Variants in RBM10 observed in about 807,000 individuals in gnomAD.
RBM10 encodes RNA binding motif protein 10.
RBM10 carries 1 observed loss-of-function variant against 84.9 expected under a neutral mutation model. The ratio of observed to expected loss-of-function variants is 0.01; its 90% CI spans 0.00 to 0.06. The LOEUF (loss-of-function observed/expected upper bound fraction) is 0.06, where lower values mean the gene tolerates loss of function less well. Ranked by LOEUF, RBM10 falls within the 10% of genes least tolerant of loss-of-function variation. The pLI is 1.00. For missense variants in RBM10, 438 were observed against 839.0 expected, an observed-to-expected ratio of 0.52 and a Z score of 5.90; for synonymous variants, 326 against 344.5, an observed-to-expected ratio of 0.95 and a Z score of 0.60.
chrX:47,173,331 G>T lies in RBM10; in HGVS notation c.502+134G>T. 1.7e-6 allele frequency: 2 copies of T among 1,153,362 alleles called. 1 individual carries two copies. The highest frequency in any genetic ancestry group is 3.8e-5 in the South Asian group (2 of 52,286). ...GCTGGGAATGGGCAGCGTGGGGGGT[G>T]CCCTCTCTTCTCTCCCACTCCCCAC... is the stretch of plus-strand genomic sequence containing the variant. On this transcript the variant is annotated intron_variant, in intron 5 of 23. Coordinates refer to ENST00000377604, the MANE Select transcript of RBM10 (RefSeq NM_005676.5).
At position 47,169,384 on chromosome X, in the gene RBM10, C is replaced by T. The variant is rs2147128335; in HGVS notation, c.87C>T (p.Asn29=). 1 of 1,211,898 alleles carries T rather than the reference C, an allele frequency of 8.3e-7. No homozygotes were observed. The highest frequency in any genetic ancestry group is 1.1e-6 in the Non-Finnish European group (1 of 895,415). ...TDRSQDDGGE[N]RSRDHDYRDM... is the part of the protein sequence containing the mutation. ...GCTCGCAGGATGATGGTGGGGAGAA[C>T]CGCAGCCGAGACCACGACTACCGGG... is the stretch of plus-strand genomic sequence containing the variant. The change falls in exon 3 of 24, where the codon AAC becomes AAT. Residue 29 remains asparagine (N), a synonymous_variant. Transcript: ENST00000377604.
At position 47,185,761 on chromosome X, in the gene RBM10, C is replaced by A; in HGVS notation, c.2401C>A (p.Leu801Ile). 1 of 1,211,410 alleles carries A rather than the reference C, an allele frequency of 8.3e-7. No homozygotes were observed. The highest frequency in any genetic ancestry group is 1.1e-6 in the Non-Finnish European group (1 of 895,288). Residue 801 changes from leucine (L) to isoleucine (I), a missense_variant, in exon 21 of 24, where the codon CTA becomes ATA. Transcript: ENST00000377604. ...HRRAHLSENE[L>I]EALEKNDMEQ... Reference sequence around the variant, plus strand: ...GCGAGCCCACTTGTCAGAAAACGAGCTAGAAGCACTAGAGAAGAATGACAT... The same window carrying A: ...GCGAGCCCACTTGTCAGAAAACGAGATAGAAGCACTAGAGAAGAATGACAT...
chrX:47,159,056 C>A (rs192180265), intron 2 of RBM10, among the ~76,000 whole-genome samples: 69 of 111,822 alleles, frequency 6.2e-4, no homozygotes, highest in Non-Finnish European at 1.1e-3. Flanking sequence ...CCACATTTTT[C>A]TTTATCCTGT....
intron 3 of RBM10, 27 bp downstream of exon 3, chrX:47,169,525 C>G (rs1934481733): frequency 1.7e-6 from 2 of 1,188,097 alleles, no homozygotes. Context: ...CTGCGCCAGG[C>G]CTGGCTGGGA....
In RBM10 at chrX:47,182,009, C is replaced by T. The variant is rs782563509; in HGVS notation, c.1752C>T (p.Pro584=). Residue 584 remains proline, a synonymous_variant, in exon 16 of 24, where the codon CCC becomes CCT. Coordinates refer to ENST00000377604, the MANE Select transcript of RBM10 (RefSeq NM_005676.5). The part of the protein sequence containing the change: ...YDETSGYYYD[P]QTGLYYDPNS... ...AGACCTCCGGCTACTACTATGACCC[C>T]CAGACCGGCCTCTACTATGACCCCA... The T allele has an allele frequency of 7.4e-6, 9 of 1,209,410 alleles. No homozygotes were observed. Among genetic ancestry groups the T allele is most frequent in the Non-Finnish European group, 8.9e-6 (8 of 895,092 alleles).
Position 47,179,384 on chromosome X carries a change from G to A in RBM10, c.790G>A (p.Glu264Lys), listed in dbSNP as rs1556777824. 8.3e-7 allele frequency: 1 copy of A among 1,201,501 alleles called. No individual in the cohort carries two copies. Among genetic ancestry groups the A allele is most frequent in the Non-Finnish European group, 1.1e-6 (1 of 892,134 alleles). Residue 264 changes from glutamate (E) to lysine (K), a missense_variant, in exon 9 of 24, where the codon GAG becomes AAG. Glu to Lys is a moderately conservative substitution (Grantham distance 56). This residue lies in a region of RBM10 where 36 missense variants were observed against 45.3 expected (regional missense o/e 0.79). Coordinates refer to ENST00000377604, the MANE Select transcript of RBM10 (RefSeq NM_005676.5). ...DQQTLPLGGR[E>K]LSQGLLPLPQ... Reference sequence around the variant, plus strand: ...GCAGACACTGCCACTGGGTGGCCGGGAGCTGAGCCAGGGCCTGCTTCCCCT... The same window carrying A: ...GCAGACACTGCCACTGGGTGGCCGGAAGCTGAGCCAGGGCCTGCTTCCCCT...
At chrX:47,163,637 G>A (rs1556767493) in intron 2 of RBM10, among the ~76,000 whole-genome samples, 1 of 107,848 alleles carries the variant, frequency 9.3e-6, no homozygotes, top group Non-Finnish European at 1.9e-5. Flanking sequence ...AGAAACTTTT[G>A]GAAGTCTCTC....
Position 47,186,384 on chromosome X carries a change from C to T in RBM10, c.2664C>T (p.Ile888=), listed in dbSNP as rs377461139. 4 of 1,194,640 alleles carry T rather than the reference C, an allele frequency of 3.3e-6. No homozygotes were observed. Among genetic ancestry groups the T allele is most frequent in the East Asian group, 3.1e-5 (1 of 32,689 alleles). The part of the protein sequence containing the change: ...GRKKQGIVTP[I]EAQTRVRGSG... ...AGAAGCAGGGCATTGTAACGCCTAT[C>T]GAGGTGAGTCTCAGGCAGTCCTGTC... Residue 888 remains isoleucine (I), a synonymous_variant, in exon 23 of 24, where the codon ATC becomes ATT. Coordinates refer to ENST00000377604, the MANE Select transcript of RBM10 (RefSeq NM_005676.5).
chrX:47,180,341 T>TGGCC, intron 11 of RBM10, 32 bp downstream of exon 11: 1 of 541,286 alleles, frequency 1.8e-6, no homozygotes, highest in Non-Finnish European at 2.7e-6. Flanking sequence ...CTTCCCACCC[T>TGGCC]TCCCCTCCCC....
chrX:47,160,699 T>A (rs1556766535), intron 2 of RBM10, among the ~76,000 whole-genome samples: 1 of 112,038 alleles, frequency 8.9e-6, no homozygotes, highest in African/African-American at 3.2e-5. Flanking sequence ...GATTTTTTTT[T>A]GGAGAGAGAG....
chrX:47,186,421 C>A (rs1556782701), intron 23 of RBM10, 34 bp downstream of exon 23: 1 of 1,197,636 alleles, frequency 8.3e-7, no homozygotes, highest in African/African-American at 1.7e-5. Flanking sequence ...CATCCCCCAG[C>A]ACCCCTCACA....
chrX:47,161,816 G>A (rs781941464), intron 2 of RBM10, among the ~76,000 whole-genome samples: 1 of 111,026 alleles, frequency 9.0e-6, no homozygotes, highest in African/African-American at 3.3e-5. Context: ...AGGGGCATGA[G>A]CCACTGCTCC....
At chrX:47,147,253 C>A in intron 1 of RBM10, 104 bp from the exon 2 acceptor site, 1 of 852,812 alleles carries the variant, frequency 1.2e-6, no homozygotes, top group Non-Finnish European at 1.7e-6. Flanking sequence ...AAGACAATGT[C>A]CCTGGGCTAA....
chrX:47,163,667 G>A (rs1482698484), intron 2 of RBM10, among the ~76,000 whole-genome samples: 1 of 109,124 alleles, frequency 9.2e-6, no homozygotes, highest in African/African-American at 3.3e-5. Flanking sequence ...TCTGGTTCAG[G>A]GACTGCTGGT....
At chrX:47,157,009 C>T in intron 2 of RBM10, 1 of 285,035 alleles carries the variant, frequency 3.5e-6, no homozygotes, top group Non-Finnish European at 6.8e-6. Context: ...TCGATGACGG[C>T]ATGCTGCCCC....
chrX:47,146,513 G>A (rs1012264257), intron 1 of RBM10, among the ~76,000 whole-genome samples: 10 of 111,517 alleles, frequency 9.0e-5, no homozygotes, highest in African/African-American at 3.3e-4. Context: ...GAAGATCTGG[G>A]ATTCATCCTG....
chrX:47,164,030 G>A (rs1933969801), intron 2 of RBM10, among the ~76,000 whole-genome samples: 1 of 107,577 alleles, frequency 9.3e-6, no homozygotes, highest in African/African-American at 3.4e-5. Flanking sequence ...CACCACGCCC[G>A]GCTAATTTTT....
At chrX:47,157,778 G>GA in intron 2 of RBM10, 1 of 367,582 alleles carries the variant, frequency 2.7e-6, no homozygotes. Context: ...TCAGCTGCAT[G>GA]ACTTTTTTTT....
intron 11 of RBM10, 26 bp downstream of exon 11, chrX:47,180,335 C>T (rs782704653): frequency 1.8e-6 from 2 of 1,112,781 alleles, no homozygotes; most frequent in South Asian, 1.9e-5. Context: ...GTGTGCCTTC[C>T]CACCCTTCCC....
Sources: gnomAD v4.1 joint callset for allele counts (sites outside exome capture counted in the v4.1 genomes callset) on GRCh38, gnomAD v4.1.1 for gene constraint, gnomAD v4.1.1 regional missense constraint, MANE v1.5 for transcripts, NCBI Gene and HGNC (gene_info 2026-07-23, HGNC 2026-07-21) for gene names.